FAM193A: variants seen among roughly 807,000 people sequenced by gnomAD.
FAM193A encodes the protein family with sequence similarity 193 member A.
FAM193A carries 22 observed loss-of-function variants against 126.5 expected under a neutral mutation model. The ratio of observed to expected loss-of-function variants is 0.17; its 90% CI spans 0.12 to 0.25. FAM193A has a LOEUF of 0.25. Among genes scored for constraint, FAM193A ranks in the 10% least tolerant of loss-of-function variants. The pLI, the probability that FAM193A is intolerant of heterozygous loss-of-function variation, is 1.00. For missense variants in FAM193A, 1,675 were observed against 1,672.8 expected (o/e 1.00, Z -0.02); for synonymous variants, 761 against 646.8 (o/e 1.18, Z -2.68).
chr4:2,547,162 C>T (rs535044080), intron 1 of FAM193A, among the ~76,000 whole-genome samples: 124 of 152,064 alleles, frequency 8.2e-4, no homozygotes, highest in African/African-American at 2.8e-3. Context: ...CCGAGGCAGG[C>T]GGATCACTGG....
intron 7 of FAM193A, among the ~76,000 whole-genome samples, chr4:2,652,675 A>G (rs1745790207): frequency 6.6e-6 from 1 of 152,146 alleles, no homozygotes; most frequent in Non-Finnish European, 1.5e-5. Context: ...ATCACCTCCC[A>G]CCAGGCCCCA....
At chr4:2,581,032 G>A (rs1267447139) in intron 1 of FAM193A, among the ~76,000 whole-genome samples, 1 of 151,932 alleles carries the variant, frequency 6.6e-6, no homozygotes, top group Non-Finnish European at 1.5e-5. Context: ...GGGAGGCTGA[G>A]GCAGGAGAAT....
At position 2,696,441 on chromosome 4, in the gene FAM193A, G is replaced by A; in HGVS notation, c.3355G>A (p.Glu1119Lys). The A allele has an allele frequency of 3.1e-6, 5 of 1,614,178 alleles. No homozygotes were observed. The highest frequency in any genetic ancestry group is 4.2e-6 in the Non-Finnish European group (5 of 1,180,028). The change falls in exon 18 of 21, where the codon GAG becomes AAG. Residue 1119 changes from glutamate to lysine, a missense_variant. Transcript: ENST00000637812. ...CTTACGGCTGACCAAGAGGAAAGAG[G>A]AGCAACCTAAAAAAATGGACCAGAT... is the stretch of plus-strand genomic sequence containing the variant. ...LRLRLTKRKEEQPKKMDQISE... is the reference protein window; with the variant it reads ...LRLRLTKRKEKQPKKMDQISE...
intron 20 of FAM193A, among the ~76,000 whole-genome samples, chr4:2,719,614 G>T (rs908651654): frequency 5.9e-5 from 9 of 151,714 alleles, no homozygotes; most frequent in Non-Finnish European, 1.3e-4. Flanking sequence ...GCATCGTAGC[G>T]CATGCCTGTA....
intron 19 of FAM193A, among the ~76,000 whole-genome samples, chr4:2,708,606 G>A (rs1718577116): frequency 6.6e-6 from 1 of 152,024 alleles, no homozygotes; most frequent in South Asian, 2.1e-4. Context: ...GGGATTACAG[G>A]CGCACACCAC....
At chr4:2,567,195 G>A (rs1340525465) in intron 1 of FAM193A, among the ~76,000 whole-genome samples, 8 of 150,780 alleles carry the variant, frequency 5.3e-5, no homozygotes, top group South Asian at 2.1e-4. Flanking sequence ...TGATCCACCC[G>A]CCTTTGCCTC....
At position 2,545,884 on chromosome 4, in the gene FAM193A, T is replaced by C. The variant is rs186022458; in HGVS notation, c.255+8714T>C. Among the ~76,000 whole-genome samples the C allele has an allele frequency of 4.2e-4, 64 of 152,276 alleles. 1 individual carries two copies. The East Asian group carries it at 0.011, about 27-fold the overall frequency. On this transcript the variant is annotated intron_variant, in intron 1 of 20. Coordinates refer to ENST00000637812, the MANE Select transcript of FAM193A (RefSeq NM_001366318.2). ...AAAATTTAAGGCCAGGTGCGGTGGC[T>C]CACGCCTGTTATCCCAGCACTTTGG...
At chr4:2,723,682 T>A (rs973663728) in intron 20 of FAM193A, among the ~76,000 whole-genome samples, 3 of 152,222 alleles carry the variant, frequency 2.0e-5, no homozygotes, top group Admixed American at 1.3e-4. Context: ...CAAAATAAGA[T>A]CATCACAAAA....
At chr4:2,573,374 G>A (rs982210683) in intron 1 of FAM193A, among the ~76,000 whole-genome samples, 2 of 152,080 alleles carry the variant, frequency 1.3e-5, no homozygotes, top group Non-Finnish European at 1.5e-5. Flanking sequence ...CAGCCAGTGC[G>A]TGGTGACGGG....
rs71178493 is a variant in FAM193A, at chr4:2,622,257, CAAAAA to C, written c.502-2983_502-2979del. ...GGGTGATAGAGCGAGACCCTGTCTC[CAAAAA>C]AAAAAAAAAAAAAAAAAAAAACCTA... On this transcript the variant is annotated intron_variant, in intron 2 of 20. Transcript: ENST00000637812. Among the ~76,000 whole-genome samples, 367 of 55,574 alleles carry C rather than the reference CAAAAA, an allele frequency of 6.6e-3. 1 individual carries two copies. Among genetic ancestry groups the C allele is most frequent in the South Asian group, 0.021 (24 of 1,134 alleles). The allele number at this position is 55,574 out of a possible 152,430, so 36.5% of individuals were successfully genotyped here.
chr4:2,655,763 C>T (rs1400929803), intron 7 of FAM193A, among the ~76,000 whole-genome samples: 1 of 151,880 alleles, frequency 6.6e-6, no homozygotes, highest in Non-Finnish European at 1.5e-5. Flanking sequence ...AGAACCCCAT[C>T]TCTACAAGGA....
chr4:2,577,065 T>C (rs890646579), intron 1 of FAM193A, among the ~76,000 whole-genome samples: 15 of 152,232 alleles, frequency 9.9e-5, no homozygotes, highest in African/African-American at 2.7e-4. Context: ...TCTAAGGTTT[T>C]AGTTGATATG....
At chr4:2,667,615 CCTT>C (rs1224363950) in intron 12 of FAM193A, among the ~76,000 whole-genome samples, 1 of 152,172 alleles carries the variant, frequency 6.6e-6, no homozygotes, top group Non-Finnish European at 1.5e-5. Context: ...AGCCACTCCA[CCTT>C]CTTGGGTTAC....
At chr4:2,679,069 T>C (rs1164010163) in intron 13 of FAM193A, among the ~76,000 whole-genome samples, 2 of 152,192 alleles carry the variant, frequency 1.3e-5, no homozygotes, top group Non-Finnish European at 1.5e-5. Flanking sequence ...ATGGCTTTTA[T>C]TATGTTTTGG....
chr4:2,623,910 G>A (rs1257977561), intron 2 of FAM193A, among the ~76,000 whole-genome samples: 1 of 152,114 alleles, frequency 6.6e-6, no homozygotes, highest in Non-Finnish European at 1.5e-5. Context: ...CAATGATTAT[G>A]GAGCTGGCAG....
Position 2,693,758 on chromosome 4 carries a change from A to T in FAM193A, c.2976A>T (p.Ser992=). ...TPHLANLAAP[S]FPKTATTTPG... ...ACCTTGCAAATCTTGCAGCCCCATC[A>T]TTCCCCAAAACAGCAACCACAACTC... The change falls in exon 16 of 21, where the codon TCA becomes TCT. Residue 992 remains serine, a synonymous_variant. Transcript: ENST00000637812. 1 of 1,614,140 alleles carries T rather than the reference A, an allele frequency of 6.2e-7. No individual in the cohort carries two copies. The highest frequency in any genetic ancestry group is 8.5e-7 in the Non-Finnish European group (1 of 1,180,026).
intron 1 of FAM193A, among the ~76,000 whole-genome samples, chr4:2,573,772 G>A (rs1739426165): frequency 6.6e-6 from 1 of 152,174 alleles, no homozygotes; most frequent in Admixed American, 6.5e-5. Flanking sequence ...CTGTCCCGTG[G>A]CGGGAAGAGG....
chr4:2,561,523 G>A (rs185405624), intron 1 of FAM193A, among the ~76,000 whole-genome samples: 2 of 115,038 alleles, frequency 1.7e-5, no homozygotes, highest in African/African-American at 3.2e-5. Context: ...TTGAGACCGA[G>A]TCTCACTTTG....
chr4:2,711,042 C>T (rs534518151), intron 19 of FAM193A, among the ~76,000 whole-genome samples: 59 of 150,560 alleles, frequency 3.9e-4, no homozygotes, highest in African/African-American at 1.2e-3. Context: ...TTAGTAGAGA[C>T]GGGGTTTCAC....
Sources: allele counts gnomAD v4.1 joint callset (sites outside exome capture counted in the v4.1 genomes callset), GRCh38; gene constraint gnomAD v4.1.1; transcripts MANE v1.5; gene names NCBI Gene and HGNC (gene_info 2026-07-23, HGNC 2026-07-21).